Variants in AK9 observed in about 807,000 individuals in gnomAD.
AK9 encodes adenylate kinase domain containing 1.
Under a neutral mutation model 239.6 loss-of-function variants are expected in AK9, and 191 were observed. The ratio of observed to expected loss-of-function variants is 0.80; its 90% CI spans 0.71 to 0.90. AK9 has a LOEUF of 0.90. AK9 is among the 40% of genes least tolerant of loss of function. The probability of loss-of-function intolerance (pLI) is 0.00; values close to 1 mark genes in which losing one functional copy is unlikely to be tolerated. For missense variants in AK9, 1,995 were observed against 2,214.7 expected, an observed-to-expected ratio of 0.90 and a Z score of 1.99; for synonymous variants, 689 against 721.0, an observed-to-expected ratio of 0.96 and a Z score of 0.71.
intron 27 of AK9, among the ~76,000 whole-genome samples, chr6:109,536,038 G>T (rs1299692718): frequency 6.6e-6 from 1 of 152,148 alleles, no homozygotes; most frequent in African/African-American, 2.4e-5. Flanking sequence ...GTCAGGTAGC[G>T]TGATGCCTCC....
chr6:109,691,164 G>C lies in AK9; in HGVS notation c.-29C>G. 1 of 563,894 alleles carries C rather than the reference G, an allele frequency of 1.8e-6. No homozygotes were observed. The highest frequency in any genetic ancestry group is 2.2e-5 in the South Asian group (1 of 44,576). The allele number at this position is 563,894 out of a possible 1,614,324, so 34.9% of individuals were successfully genotyped here. The stretch of plus-strand genomic sequence containing the variant: ...ATCCTTACCAAAGATGGTGCCCTTC[G>C]CTTCCTCTCTCGGCAGCACGCAGGT... On this transcript the variant is annotated 5_prime_UTR_variant, in exon 1 of 41. Transcript: ENST00000424296.
Position 109,497,815 on chromosome 6 carries a change from A to T in AK9, c.5197T>A (p.Tyr1733Asn). The T allele has an allele frequency of 6.2e-7, 1 of 1,613,638 alleles. No homozygotes were observed. The highest frequency in any genetic ancestry group is 1.1e-5 in the South Asian group (1 of 91,066). Residue 1733 changes from tyrosine to asparagine, a missense_variant, in exon 37 of 41, where the codon TAT becomes AAT. Tyr to Asn is a moderately radical substitution (Grantham distance 143). Transcript: ENST00000424296. ...AELQGYCPVT[Y>N]KDGNQRYEAL... Reference sequence around the variant, plus strand: ...ACTTGCCTTTGGTTTCCATCCTTATAGGTCACTGGACAGTAGCCCTGGAGC... The same window carrying T: ...ACTTGCCTTTGGTTTCCATCCTTATTGGTCACTGGACAGTAGCCCTGGAGC...
Position 109,619,137 on chromosome 6 carries a change from C to A in AK9, c.1354G>T (p.Val452Phe), listed in dbSNP as rs976361380. The A allele has an allele frequency of 1.4e-5, 22 of 1,546,960 alleles. No individual in the cohort carries two copies. In the Middle Eastern group the frequency reaches 8.4e-4, roughly 59 times the overall value. ...TCCCTGAGAAGCTTTTCTTTCACAACTTTAATTGCTGCTGCAGTGGCCTCA... is the reference window on the plus strand; with the variant it reads ...TCCCTGAGAAGCTTTTCTTTCACAAATTTAATTGCTGCTGCAGTGGCCTCA... ...IAEATAAAIK[V>F]VKEKLLRELQ... The change falls in exon 13 of 41, where the codon GTT (valine) becomes TTT (phenylalanine). Residue 452 changes from valine (V) to phenylalanine (F), a missense_variant. Coordinates refer to ENST00000424296, the MANE Select transcript of AK9 (RefSeq NM_001145128.3).
intron 27 of AK9, among the ~76,000 whole-genome samples, chr6:109,538,313 G>T (rs894606100): frequency 6.6e-6 from 1 of 152,120 alleles, no homozygotes; most frequent in African/African-American, 2.4e-5. Context: ...TATATATTTA[G>T]GATAGTTAGC....
intron 17 of AK9, among the ~76,000 whole-genome samples, chr6:109,592,795 A>ATT (rs71018352): frequency 3.3e-5 from 5 of 151,266 alleles, no homozygotes; most frequent in South Asian, 2.1e-4. Flanking sequence ...TGATTTTAGG[A>ATT]TTTTTTTCCC....
intron 25 of AK9, 199 bp downstream of exon 25, chr6:109,549,891 C>G (rs1020642222): frequency 2.1e-6 from 1 of 465,684 alleles, no homozygotes; most frequent in South Asian, 2.6e-5. Context: ...GTCTCGATCT[C>G]CTGACCTCGT....
intron 9 of AK9, among the ~76,000 whole-genome samples, chr6:109,643,025 A>C (rs1287385630): frequency 6.6e-6 from 1 of 152,106 alleles, no homozygotes; most frequent in Non-Finnish European, 1.5e-5. Context: ...TGCCTTGTGA[A>C]CTCTGGGGTC....
chr6:109,506,900 A>C, intron 33 of AK9, 100 bp from the exon 34 acceptor site: 826 of 1,391,544 alleles, frequency 5.9e-4, no homozygotes, highest in Non-Finnish European at 7.1e-4. Context: ...GGAGTAGCTC[A>C]TGATTTTCCT....
chr6:109,592,005 T>C (rs960805009), intron 17 of AK9, among the ~76,000 whole-genome samples: 1 of 152,288 alleles, frequency 6.6e-6, no homozygotes, highest in Non-Finnish European at 1.5e-5. Context: ...AGAACTAACA[T>C]CAGAATCATC....
At chr6:109,528,646 GTCCTC>G in intron 29 of AK9, 1 of 463,618 alleles carries the variant, frequency 2.2e-6, no homozygotes, top group South Asian at 1.5e-5. Context: ...AATATCAGCA[GTCCTC>G]TGTACGGAAG....
At chr6:109,574,609 T>C (rs1787829566) in intron 20 of AK9, among the ~76,000 whole-genome samples, 2 of 152,170 alleles carry the variant, frequency 1.3e-5, no homozygotes, top group Non-Finnish European at 2.9e-5. Flanking sequence ...GAAAATAAAT[T>C]CGGAATTATT....
In AK9 at chr6:109,687,516, T is replaced by C. The variant is rs140546094; in HGVS notation, c.-12+3631A>G. On this transcript the variant is annotated intron_variant, in intron 1 of 40. Coordinates refer to ENST00000424296, the MANE Select transcript of AK9 (RefSeq NM_001145128.3). ...TTGGCTTGGAAGAAGTAAGCTGCCA[T>C]GTTGTGAGAGGACCACGTGATGAGG... is the stretch of plus-strand genomic sequence containing the variant. Among the ~76,000 whole-genome samples, 1,110 of 152,300 alleles carry C rather than the reference T, an allele frequency of 7.3e-3. 5 individuals are homozygous for C. The highest frequency in any genetic ancestry group is 0.012 in the Non-Finnish European group (806 of 68,014).
intron 10 of AK9, among the ~76,000 whole-genome samples, chr6:109,638,949 G>C (rs1032658567): frequency 2.0e-5 from 3 of 152,106 alleles, no homozygotes; most frequent in African/African-American, 7.2e-5. Flanking sequence ...ATTGTTTCCA[G>C]TTTCATCCAT....
intron 24 of AK9, among the ~76,000 whole-genome samples, chr6:109,560,705 G>T (rs1785642986): frequency 6.6e-6 from 1 of 152,092 alleles, no homozygotes; most frequent in Non-Finnish European, 1.5e-5. Context: ...ATTAATGAGT[G>T]ATGTTAGACT....
intron 27 of AK9, among the ~76,000 whole-genome samples, chr6:109,538,673 G>A (rs540395709): frequency 1.8e-4 from 27 of 151,954 alleles, no homozygotes; most frequent in African/African-American, 4.6e-4. Context: ...TATTTTGCTC[G>A]TTAGTTGATG....
intron 2 of AK9, among the ~76,000 whole-genome samples, chr6:109,675,384 A>G (rs1472993100): frequency 1.3e-5 from 2 of 152,132 alleles, no homozygotes; most frequent in Non-Finnish European, 2.9e-5. Context: ...ACTGATGGGC[A>G]TTTAGGTTGA....
chr6:109,663,196 C>T (rs1197703410), intron 5 of AK9, among the ~76,000 whole-genome samples: 1 of 152,022 alleles, frequency 6.6e-6, no homozygotes, highest in Non-Finnish European at 1.5e-5. Context: ...GCTTGTATCC[C>T]CACCCAGAAA....
At chr6:109,524,916 T>C (rs554365494) in intron 29 of AK9, among the ~76,000 whole-genome samples, 106 of 152,292 alleles carry the variant, frequency 7.0e-4, no homozygotes, top group African/African-American at 2.4e-3. Flanking sequence ...GATGTGTTTG[T>C]AATTCTAGCA....
At position 109,641,608 on chromosome 6, in the gene AK9, C is replaced by T. The variant is rs1335494013; in HGVS notation, c.843G>A (p.Met281Ile). ...TTAGGTTCAGATATTTAAGTCGATC[C>T]ATAACAATCTAGATTTAAAGAACAG... ...KPAEELFMIV[M>I]DRLKYLNLKR... Residue 281 changes from methionine (M) to isoleucine (I), a missense_variant, in exon 10 of 41, where the codon ATG becomes ATA. Transcript: ENST00000424296. The T allele has an allele frequency of 1.2e-6, 2 of 1,610,086 alleles. No individual in the cohort carries two copies. The highest frequency in any genetic ancestry group is 1.7e-6 in the Non-Finnish European group (2 of 1,176,660).
Sources: allele counts gnomAD v4.1 joint callset (sites outside exome capture counted in the v4.1 genomes callset), GRCh38; gene constraint gnomAD v4.1.1; transcripts MANE v1.5; gene names NCBI Gene and HGNC (gene_info 2026-07-23, HGNC 2026-07-21).